LRRC34: variants seen among roughly 807,000 people sequenced by gnomAD.
LRRC34 encodes the protein leucine-rich repeat-containing protein 34.
In LRRC34, 44 loss-of-function variants were observed where a neutral mutation model predicts 48.5. The observed-to-expected ratio is 0.91, with a 90% CI of 0.71 to 1.17. LRRC34 has a LOEUF of 1.17. Among genes scored for constraint, LRRC34 ranks in the 50% most tolerant of loss-of-function variants. The pLI is 0.00. For missense variants in LRRC34, 502 were observed against 563.0 expected (o/e 0.89, Z 1.10); for synonymous variants, 192 against 197.6 (o/e 0.97, Z 0.24).
chr3:169,806,490 GA>G (rs1313512854), intron 5 of LRRC34, among the ~76,000 whole-genome samples: 3 of 149,850 alleles, frequency 2.0e-5, no homozygotes, highest in Non-Finnish European at 4.4e-5. Flanking sequence ...GCAGGGGGTA[GA>G]AAAGATGGAG....
At position 169,806,859 on chromosome 3, in the gene LRRC34, T is replaced by C. The variant is rs749659293; in HGVS notation, c.517A>G (p.Lys173Glu). 1.3e-6 allele frequency: 2 copies of C among 1,597,878 alleles called. No homozygotes were observed. Among genetic ancestry groups the C allele is most frequent in the South Asian group, 2.2e-5 (2 of 89,570 alleles). Residue 173 changes from lysine to glutamate, a missense_variant, in exon 5 of 11, where the codon AAA (lysine) becomes GAA (glutamate). By Grantham distance (56) the Lys-to-Glu change is moderately conservative. Transcript: ENST00000446859. ...ACATAAATGCTTACATGTAGCACTTTAGCAATCAATTCTCCACCTTCGGGC... is the reference window on the plus strand; with the variant it reads ...ACATAAATGCTTACATGTAGCACTTCAGCAATCAATTCTCCACCTTCGGGC... Reference protein sequence around the residue: ...IGPEGGELIAKVLHKNRTLKY... With the variant: ...IGPEGGELIAEVLHKNRTLKY...
In LRRC34 at chr3:169,812,206, G is replaced by A. The variant is rs534899393; in HGVS notation, c.139+204C>T. Reference sequence around the variant, plus strand: ...GTGGACTCCTCTCCTGCCCCCGGTCGCAAAGGGCGACCGGGGACTCTTCTC... The same window carrying A: ...GTGGACTCCTCTCCTGCCCCCGGTCACAAAGGGCGACCGGGGACTCTTCTC... On this transcript the variant is annotated intron_variant, in intron 1 of 10. Coordinates refer to ENST00000446859, the MANE Select transcript of LRRC34 (RefSeq NM_001172779.2). The surrounding 1 kb of genome is among the most constrained non-coding windows in gnomAD (Gnocchi z 4.3). Among the ~76,000 whole-genome samples the A allele has an allele frequency of 8.6e-5, 13 of 151,342 alleles. No individual in the cohort carries two copies. The highest frequency in any genetic ancestry group is 3.2e-4 in the African/African-American group (13 of 41,106).
intron 1 of LRRC34, among the ~76,000 whole-genome samples, chr3:169,809,884 A>C (rs1779502152): frequency 6.6e-6 from 1 of 152,204 alleles, no homozygotes; most frequent in Non-Finnish European, 1.5e-5. Context: ...AAAGCAAACA[A>C]AATTTTCTTA....
Position 169,793,770 on chromosome 3 carries a change from T to C in LRRC34, c.1260A>G (p.Val420=). ...PDNTDVEPFV[V]DGRVYLAEVS... ...CTTCTGCAAGATATACACGTCCATC[T>C]ACCACAAATGGCTCCACATCTGTAT... Residue 420 remains valine, a synonymous_variant, in exon 11 of 11, where the codon GTA becomes GTG. Coordinates refer to ENST00000446859, the MANE Select transcript of LRRC34 (RefSeq NM_001172779.2). 6.2e-7 allele frequency: 1 copy of C among 1,613,848 alleles called. No homozygotes were observed. Among genetic ancestry groups the C allele is most frequent in the South Asian group, 1.1e-5 (1 of 91,076 alleles).
Position 169,804,060 on chromosome 3 carries a change from C to G in LRRC34, c.650G>C (p.Cys217Ser). Reference protein sequence around the residue: ...SSLEKLDLGDCDLGMQSVIAF... With the variant: ...SSLEKLDLGDSDLGMQSVIAF... The stretch of plus-strand genomic sequence containing the variant: ...CATAACCAGTTTACTCACCAGATCA[C>G]AGTCACCCAGATCTAATTTCTCTAA... Residue 217 changes from cysteine to serine, a missense_variant, in exon 6 of 11, where the codon TGT becomes TCT. Physicochemically the swap from Cys to Ser is moderately radical, Grantham distance 112 (BLOSUM62 -1). Transcript: ENST00000446859. 1 of 1,585,744 alleles carries G rather than the reference C, an allele frequency of 6.3e-7. No individual in the cohort carries two copies. Among genetic ancestry groups the G allele is most frequent in the Non-Finnish European group, 8.6e-7 (1 of 1,165,112 alleles).
At chr3:169,800,637 T>C (rs954381575) in intron 7 of LRRC34, 22 bp downstream of exon 7, 1 of 1,407,202 alleles carries the variant, frequency 7.1e-7, no homozygotes. Flanking sequence ...TTATATTAAC[T>C]ACCATCACTT....
intron 5 of LRRC34, among the ~76,000 whole-genome samples, 176 bp from the exon 6 acceptor site, chr3:169,804,357 G>C (rs1779301584): frequency 6.6e-6 from 1 of 152,156 alleles, no homozygotes. Flanking sequence ...GTGCAGTGGT[G>C]TGATCTCGAC....
At chr3:169,809,958 CTT>C (rs11344572) in intron 1 of LRRC34, among the ~76,000 whole-genome samples, 121 of 138,132 alleles carry the variant, frequency 8.8e-4, no homozygotes, top group Middle Eastern at 3.7e-3. Context: ...TTGGAAATTT[CTT>C]TTTTTTTTTT....
intron 10 of LRRC34, chr3:169,794,436 CAG>C (rs1335028194): frequency 2.0e-5 from 3 of 146,510 alleles, no homozygotes; most frequent in African/African-American, 7.7e-5. Context: ...TTTTTTGAGA[CAG>C]AGTCTTGCTC....
At chr3:169,796,157 T>C (rs1778979042) in intron 9 of LRRC34, 57 bp downstream of exon 9, 1 of 1,537,188 alleles carries the variant, frequency 6.5e-7, no homozygotes, top group Non-Finnish European at 8.7e-7. Context: ...GGGATTGAGG[T>C]TAGTATTTAA....
At position 169,793,661 on chromosome 3, in the gene LRRC34, G is replaced by A. The variant is rs1207895558; in HGVS notation, c.1369C>T (p.Leu457Phe). ...YDHSSNAGFA[L>F]VPVGQQP The stretch of plus-strand genomic sequence containing the variant: ...CATGGCTGTTGACCTACTGGAACAA[G>A]AGCAAAACCTGCATTAGATGAGTGG... Residue 457 changes from leucine to phenylalanine, a missense_variant, in exon 11 of 11, where the codon CTT becomes TTT. Leu to Phe is a conservative substitution (Grantham distance 22). Transcript: ENST00000446859. 6.2e-7 allele frequency: 1 copy of A among 1,613,348 alleles called. No individual in the cohort carries two copies. Among genetic ancestry groups the A allele is most frequent in the Non-Finnish European group, 8.5e-7 (1 of 1,179,718 alleles).
At chr3:169,806,095 A>C (rs1168872787) in intron 5 of LRRC34, among the ~76,000 whole-genome samples, 1 of 152,192 alleles carries the variant, frequency 6.6e-6, no homozygotes, top group Non-Finnish European at 1.5e-5. Context: ...ACAGATTAAA[A>C]GAATAGAATT....
chr3:169,797,556 T>C (rs1175275059), intron 7 of LRRC34, among the ~76,000 whole-genome samples: 1 of 152,180 alleles, frequency 6.6e-6, no homozygotes, highest in Non-Finnish European at 1.5e-5. Flanking sequence ...AAGTTTTTAG[T>C]AAAATCAAAG....
At chr3:169,795,370 CA>C in intron 10 of LRRC34, 114 bp downstream of exon 10, 2 of 1,076,760 alleles carry the variant, frequency 1.9e-6, no homozygotes, top group Non-Finnish European at 2.5e-6. Flanking sequence ...TGTTAATTAT[CA>C]AAACTGCAGT....
chr3:169,798,709 C>A (rs1576735603), intron 7 of LRRC34, among the ~76,000 whole-genome samples: 1 of 152,254 alleles, frequency 6.6e-6, no homozygotes, highest in Non-Finnish European at 1.5e-5. Context: ...ATGTGATCTC[C>A]TATATATAAA....
chr3:169,810,278 C>T (rs1326992289), intron 1 of LRRC34, among the ~76,000 whole-genome samples: 1 of 152,062 alleles, frequency 6.6e-6, no homozygotes, highest in East Asian at 1.9e-4. Context: ...TGTTAATCTG[C>T]AATCCCACTG....
intron 6 of LRRC34, among the ~76,000 whole-genome samples, chr3:169,800,987 G>A (rs1779168827): frequency 6.6e-6 from 1 of 152,118 alleles, no homozygotes; most frequent in South Asian, 2.1e-4. Context: ...TAATGTTTCA[G>A]TGTCCATTTC....
At chr3:169,802,925 C>T (rs543337626) in intron 6 of LRRC34, among the ~76,000 whole-genome samples, 14 of 151,610 alleles carry the variant, frequency 9.2e-5, no homozygotes, top group South Asian at 6.3e-4. Context: ...TGCAGTGAGC[C>T]GAGATCACGC....
intron 6 of LRRC34, 74 bp downstream of exon 6, chr3:169,803,979 T>C: frequency 7.3e-7 from 1 of 1,375,658 alleles, no homozygotes. Flanking sequence ...AAATTAATCA[T>C]TCATAAGACT....
Sources: gnomAD v4.1 joint callset for allele counts (sites outside exome capture counted in the v4.1 genomes callset) on GRCh38, gnomAD v4.1.1 for gene constraint, Gnocchi (gnomAD v3.1) non-coding constraint, MANE v1.5 for transcripts, NCBI Gene and HGNC (gene_info 2026-07-23, HGNC 2026-07-21) for gene names.